AUTS2: variants seen among roughly 807,000 people sequenced by gnomAD.
AUTS2 encodes the protein autism susceptibility gene 2 protein.
Under a neutral mutation model 112.4 loss-of-function variants are expected in AUTS2, and 17 were observed. The ratio of observed to expected loss-of-function variants is 0.15; its 90% CI spans 0.10 to 0.23. The LOEUF is 0.23. Among genes scored for constraint, AUTS2 ranks in the 10% least tolerant of loss-of-function variants. AUTS2 has a pLI of 1.00. For missense variants in AUTS2, 1,510 were observed against 1,701.6 expected (o/e 0.89, Z 1.98); for synonymous variants, 751 against 702.7 (o/e 1.07, Z -1.09).
intron 5 of AUTS2, among the ~76,000 whole-genome samples, chr7:70,464,776 G>C (rs1266032800): frequency 6.6e-6 from 1 of 152,216 alleles, no homozygotes; most frequent in Non-Finnish European, 1.5e-5. Flanking sequence ...GTGAGGTTGA[G>C]GTAGGTCTAG....
intron 5 of AUTS2, among the ~76,000 whole-genome samples, chr7:70,557,190 A>C (rs1801284566): frequency 6.6e-6 from 1 of 152,180 alleles, no homozygotes; most frequent in South Asian, 2.1e-4. Context: ...TTTCATCTTT[A>C]ATGCCACATC....
At chr7:69,964,385 C>G (rs1307817662) in intron 2 of AUTS2, among the ~76,000 whole-genome samples, 2 of 152,178 alleles carry the variant, frequency 1.3e-5, no homozygotes, top group Admixed American at 1.3e-4. Context: ...TGCGTGCACA[C>G]TATCCTTAGG....
chr7:70,152,351 A>G (rs372225060), intron 4 of AUTS2, among the ~76,000 whole-genome samples: 2 of 152,138 alleles, frequency 1.3e-5, no homozygotes, highest in Admixed American at 1.3e-4. Context: ...CTCAAAACCA[A>G]TAAGAAAGGG....
At chr7:69,701,376 T>A (rs1797798738) in intron 1 of AUTS2, among the ~76,000 whole-genome samples, 1 of 152,206 alleles carries the variant, frequency 6.6e-6, no homozygotes, top group South Asian at 2.1e-4. Context: ...CTAACTGAAA[T>A]GCCATTCATT....
At chr7:70,100,532 C>T (rs1272890140) in intron 2 of AUTS2, among the ~76,000 whole-genome samples, 1 of 151,672 alleles carries the variant, frequency 6.6e-6, no homozygotes, top group Non-Finnish European at 1.5e-5. Context: ...GCACCCATCA[C>T]CTCATCATTT....
intron 1 of AUTS2, among the ~76,000 whole-genome samples, chr7:69,870,069 G>A (rs1380677088): frequency 2.0e-5 from 3 of 152,124 alleles, no homozygotes; most frequent in African/African-American, 7.2e-5. Context: ...TACTGTGGAA[G>A]CCTATTAACT....
At chr7:70,746,389 G>A (rs563454851) in intron 6 of AUTS2, among the ~76,000 whole-genome samples, 219 of 152,172 alleles carry the variant, frequency 1.4e-3, no homozygotes, top group African/African-American at 4.9e-3. Context: ...CAGGTGATCC[G>A]CCCACCTCGG....
At chr7:69,686,248 C>A (rs545913150) in intron 1 of AUTS2, among the ~76,000 whole-genome samples, 114 of 152,208 alleles carry the variant, frequency 7.5e-4, no homozygotes, top group Non-Finnish European at 8.4e-4. Context: ...TATACGTGGC[C>A]TTATAGTAAA....
intron 5 of AUTS2, among the ~76,000 whole-genome samples, chr7:70,515,531 A>G (rs570678112): frequency 1.4e-3 from 209 of 152,148 alleles, no homozygotes; most frequent in African/African-American, 4.9e-3. Flanking sequence ...TGGCCACTCA[A>G]GTCTACTTAC....
chr7:69,648,911 A>T (rs577282546), intron 1 of AUTS2, among the ~76,000 whole-genome samples: 1 of 152,278 alleles, frequency 6.6e-6, no homozygotes, highest in Non-Finnish European at 1.5e-5. Context: ...GTTGTTCATC[A>T]TTTTTTATAG....
intron 5 of AUTS2, among the ~76,000 whole-genome samples, chr7:70,589,646 G>A (rs916440977): frequency 2.6e-5 from 4 of 152,156 alleles, no homozygotes; most frequent in Admixed American, 1.3e-4. Flanking sequence ...CCTGGGAGGC[G>A]GAGGTTGCAG....
At chr7:70,374,225 C>T (rs1249444253) in intron 4 of AUTS2, among the ~76,000 whole-genome samples, 1 of 152,030 alleles carries the variant, frequency 6.6e-6, no homozygotes, top group Non-Finnish European at 1.5e-5. Context: ...AGGGATAAAG[C>T]ACATTTTAAA....
intron 2 of AUTS2, among the ~76,000 whole-genome samples, chr7:70,105,433 A>T (rs1037950865): frequency 7.3e-5 from 11 of 151,674 alleles, no homozygotes; most frequent in Non-Finnish European, 1.5e-4. Context: ...CAGTATTTAA[A>T]TTTTTTTTAG....
At chr7:69,940,271 GTGAGT>G (rs1384252196) in intron 2 of AUTS2, among the ~76,000 whole-genome samples, 1 of 152,170 alleles carries the variant, frequency 6.6e-6, no homozygotes, top group Non-Finnish European at 1.5e-5. Context: ...CTGAAGTATG[GTGAGT>G]TCTGTAGGAG....
chr7:70,056,449 T>C (rs1801997891), intron 2 of AUTS2, among the ~76,000 whole-genome samples: 1 of 152,186 alleles, frequency 6.6e-6, no homozygotes. Flanking sequence ...TCAATACTTA[T>C]TTCCATGTTT....
At chr7:70,241,654 G>C (rs890381899) in intron 4 of AUTS2, among the ~76,000 whole-genome samples, 2 of 152,078 alleles carry the variant, frequency 1.3e-5, no homozygotes, top group East Asian at 3.8e-4. Flanking sequence ...AGTCCCAAAG[G>C]TAATCAAAAG....
chr7:69,831,377 G>A (rs572386832), intron 1 of AUTS2, among the ~76,000 whole-genome samples: 1 of 152,202 alleles, frequency 6.6e-6, no homozygotes, highest in South Asian at 2.1e-4. Context: ...ACTTCATCCT[G>A]TGGACTGCAG....
intron 5 of AUTS2, among the ~76,000 whole-genome samples, chr7:70,511,936 T>A (rs997817972): frequency 6.6e-6 from 1 of 152,186 alleles, no homozygotes; most frequent in Admixed American, 6.5e-5. Context: ...CTGGTTTGAT[T>A]GATAAATTAA....
At chr7:69,775,846 C>T (rs1406230631) in intron 1 of AUTS2, among the ~76,000 whole-genome samples, 1 of 152,160 alleles carries the variant, frequency 6.6e-6, no homozygotes, top group Non-Finnish European at 1.5e-5. Flanking sequence ...GAATGTCATT[C>T]CTGATAGCTT....
Sources: gnomAD v4.1 joint callset for allele counts (sites outside exome capture counted in the v4.1 genomes callset) on GRCh38, gnomAD v4.1.1 for gene constraint, MANE v1.5 for transcripts, NCBI Gene and HGNC (gene_info 2026-07-23, HGNC 2026-07-21) for gene names.